Variants in TMEFF2 observed in about 807,000 individuals in gnomAD.
TMEFF2 encodes tomoregulin-2.
In TMEFF2, 28 loss-of-function variants were observed where a neutral mutation model predicts 53.8. That is an observed-to-expected ratio of 0.52 (90% CI 0.39 to 0.71). The LOEUF (loss-of-function observed/expected upper bound fraction) is 0.71. TMEFF2 is among the 30% of genes least tolerant of loss of function. TMEFF2 has a pLI of 0.00. For missense variants in TMEFF2, 353 were observed against 455.2 expected, an observed-to-expected ratio of 0.78 and a Z score of 2.04; for synonymous variants, 162 against 166.3, an observed-to-expected ratio of 0.97 and a Z score of 0.20.
At chr2:192,002,534 G>GA (rs1686391290) in intron 5 of TMEFF2, among the ~76,000 whole-genome samples, 1 of 151,240 alleles carries the variant, frequency 6.6e-6, no homozygotes, top group Non-Finnish European at 1.5e-5. Flanking sequence ...AAAATGGCTT[G>GA]AAAACAATAA....
At chr2:191,955,524 A>ATTTTTTTTTTT (rs71405028) in intron 8 of TMEFF2, among the ~76,000 whole-genome samples, 19,576 of 59,700 alleles carry the variant, frequency 0.33, 6,018 homozygotes, top group East Asian at 0.54. Context: ...CTAATTCTTA[A>ATTTTTTTTTTT]TTTTTTTTTT....
At chr2:191,981,928 C>A (rs1446531350) in intron 7 of TMEFF2, among the ~76,000 whole-genome samples, 11 of 152,126 alleles carry the variant, frequency 7.2e-5, no homozygotes, top group Admixed American at 4.6e-4. Flanking sequence ...GCTTTGAAGT[C>A]CTGGATACCA....
chr2:192,188,103 A>G (rs934319078), intron 2 of TMEFF2, among the ~76,000 whole-genome samples: 2 of 152,198 alleles, frequency 1.3e-5, no homozygotes, highest in East Asian at 3.8e-4. Context: ...GGGAAAAAAG[A>G]TTAAAAAAAT....
intron 4 of TMEFF2, among the ~76,000 whole-genome samples, chr2:192,107,530 T>C (rs900197281): frequency 3.3e-5 from 5 of 151,704 alleles, no homozygotes; most frequent in Admixed American, 2.0e-4. Context: ...AATGAAGATA[T>C]AGTATTAGGA....
intron 4 of TMEFF2, among the ~76,000 whole-genome samples, chr2:192,174,699 C>T (rs1036704515): frequency 1.3e-5 from 2 of 151,642 alleles, no homozygotes; most frequent in Non-Finnish European, 2.9e-5. Flanking sequence ...GAATTTCAGA[C>T]GTGTCATGCT....
At chr2:192,147,798 T>C (rs192661271) in intron 4 of TMEFF2, among the ~76,000 whole-genome samples, 63 of 152,158 alleles carry the variant, frequency 4.1e-4, no homozygotes, top group African/African-American at 1.4e-3. Flanking sequence ...TGGCTATGAT[T>C]TTTCATGCAG....
intron 4 of TMEFF2, among the ~76,000 whole-genome samples, chr2:192,154,483 T>C (rs1690459667): frequency 6.6e-6 from 1 of 151,974 alleles, no homozygotes; most frequent in African/African-American, 2.4e-5. Context: ...TCAAAAACAG[T>C]GGAGAGCTTC....
chr2:191,958,515 T>C (rs1006295264), intron 7 of TMEFF2, among the ~76,000 whole-genome samples: 1 of 152,224 alleles, frequency 6.6e-6, no homozygotes, highest in Admixed American at 6.5e-5. Flanking sequence ...ACACTGTACC[T>C]CACCCCATAC....
intron 5 of TMEFF2, among the ~76,000 whole-genome samples, chr2:192,006,958 A>G (rs1686513605): frequency 2.6e-5 from 4 of 152,192 alleles, no homozygotes; most frequent in African/African-American, 9.7e-5. Flanking sequence ...ACTGTATATA[A>G]GATTTATTGT....
chr2:192,131,564 C>T (rs1005211169), intron 4 of TMEFF2, among the ~76,000 whole-genome samples: 1 of 151,992 alleles, frequency 6.6e-6, no homozygotes, highest in Admixed American at 6.6e-5. Context: ...ACACCCCAAC[C>T]TCTTATCTCT....
chr2:192,142,506 A>T (rs1180566096), intron 4 of TMEFF2, among the ~76,000 whole-genome samples: 1 of 152,134 alleles, frequency 6.6e-6, no homozygotes, highest in Non-Finnish European at 1.5e-5. Context: ...CAATTAGCCA[A>T]TTCTTTTACT....
intron 4 of TMEFF2, among the ~76,000 whole-genome samples, chr2:192,072,105 T>A (rs1312203776): frequency 2.0e-5 from 3 of 151,672 alleles, no homozygotes; most frequent in Admixed American, 2.0e-4. Flanking sequence ...ATACGAGAGG[T>A]GAGAGTAGAA....
At chr2:192,192,156 G>A (rs974415225) in intron 1 of TMEFF2, among the ~76,000 whole-genome samples, 167 bp from the exon 2 acceptor site, 1 of 152,164 alleles carries the variant, frequency 6.6e-6, no homozygotes, top group African/African-American at 2.4e-5. Context: ...CTAGTTAAGT[G>A]ATCAATATTC....
At chr2:192,078,554 T>TA (rs1370122432) in intron 4 of TMEFF2, among the ~76,000 whole-genome samples, 2 of 152,200 alleles carry the variant, frequency 1.3e-5, no homozygotes, top group Non-Finnish European at 2.9e-5. Flanking sequence ...ATTTTTAATT[T>TA]AATCAGGAAA....
At chr2:192,060,013 G>A (rs1688004952) in intron 4 of TMEFF2, among the ~76,000 whole-genome samples, 1 of 150,844 alleles carries the variant, frequency 6.6e-6, no homozygotes, top group Admixed American at 6.6e-5. Context: ...TTCTTAAATA[G>A]GGTCTGATTC....
chr2:192,116,711 G>C (rs1252063008), intron 4 of TMEFF2, among the ~76,000 whole-genome samples: 2 of 152,072 alleles, frequency 1.3e-5, no homozygotes. Flanking sequence ...AGTATTCTCT[G>C]AGAGCTGGTC....
intron 7 of TMEFF2, among the ~76,000 whole-genome samples, chr2:191,997,989 T>G (rs1180458000): frequency 6.6e-6 from 1 of 151,922 alleles, no homozygotes; most frequent in African/African-American, 2.4e-5. Context: ...TTGATAAATG[T>G]TTTGTTATTT....
At chr2:192,148,342 G>T (rs2105997504) in intron 4 of TMEFF2, among the ~76,000 whole-genome samples, 1 of 152,110 alleles carries the variant, frequency 6.6e-6, no homozygotes, top group South Asian at 2.1e-4. Flanking sequence ...GACTATCACA[G>T]AAGGGAAAGG....
intron 7 of TMEFF2, among the ~76,000 whole-genome samples, chr2:191,983,057 A>C (rs973155914): frequency 2.6e-5 from 4 of 152,128 alleles, no homozygotes; most frequent in Admixed American, 2.0e-4. Context: ...CTCCAGTAGG[A>C]TTCTACTGTC....
Sources: allele counts gnomAD v4.1 joint callset (sites outside exome capture counted in the v4.1 genomes callset), GRCh38; gene constraint gnomAD v4.1.1; transcripts MANE v1.5; gene names NCBI Gene and HGNC (gene_info 2026-07-23, HGNC 2026-07-21).